Variants in LMO2 observed in about 807,000 individuals in gnomAD.
LMO2 encodes the protein rhombotin-2.
LMO2 carries 20 observed loss-of-function variants against 23.2 expected under a neutral mutation model. That is an observed-to-expected ratio of 0.86 (90% CI 0.61 to 1.25). The LOEUF is 1.25. LMO2 is among the 50% of genes most tolerant of loss of function. The probability of loss-of-function intolerance (pLI) is 0.00; values close to 1 mark genes in which losing one functional copy is unlikely to be tolerated. For missense variants in LMO2, 270 were observed against 315.3 expected (o/e 0.86, Z 1.09); for synonymous variants, 123 against 130.2 (o/e 0.94, Z 0.38).
chr11:33,879,036 C>A (rs777847952), intron 2 of LMO2, among the ~76,000 whole-genome samples: 2 of 152,170 alleles, frequency 1.3e-5, no homozygotes, highest in African/African-American at 2.4e-5. Flanking sequence ...AAGGCCACTC[C>A]AGAATCATTA....
In LMO2 at chr11:33,869,397, G is replaced by A. The variant is rs1197898332; in HGVS notation, c.197C>T (p.Pro66Leu). The stretch of plus-strand genomic sequence containing the variant: ...GATGGCCGAGGACATTGGGGAGGGA[G>A]GCGGGGTGCCGGGCGGCGGGGGCGC... The part of the protein sequence containing the change: ...KGAPPPPGTP[P>L]PSPMSSAIER... Residue 66 changes from proline to leucine, a missense_variant, in exon 4 of 6, where the codon CCT (proline) becomes CTT (leucine). By Grantham distance (98) the Pro-to-Leu change is moderately conservative. This residue lies in a region of LMO2 where 170 missense variants were observed against 162.0 expected (regional missense o/e 1.05). Transcript: ENST00000257818. 6.6e-6 allele frequency: 8 copies of A among 1,212,198 alleles called. No individual in the cohort carries two copies. The highest frequency in any genetic ancestry group is 1.6e-5 in the African/African-American group (1 of 63,166). The allele number at this position is 1,212,198 out of a possible 1,614,324, so 75.1% of individuals were successfully genotyped here. A position where few individuals can be genotyped will look rare whatever the true frequency, so the allele number is the denominator to read the frequency against.
At chr11:33,862,615 G>GAAT (rs386373541) in intron 5 of LMO2, among the ~76,000 whole-genome samples, 21 of 151,732 alleles carry the variant, frequency 1.4e-4, no homozygotes, top group African/African-American at 5.1e-4. Context: ...TAGGGGTGAA[G>GAAT]AACTCAAACA....
intron 4 of LMO2, among the ~76,000 whole-genome samples, chr11:33,866,120 G>A (rs1590634041): frequency 6.6e-6 from 1 of 152,156 alleles, no homozygotes; most frequent in African/African-American, 2.4e-5. Flanking sequence ...TGCCCATAAA[G>A]CCCAGCAGCC....
chr11:33,884,589 A>G (rs1857361706), intron 1 of LMO2, among the ~76,000 whole-genome samples: 1 of 152,216 alleles, frequency 6.6e-6, no homozygotes, highest in Admixed American at 6.5e-5. Context: ...AATTTTACAT[A>G]GCCAGTGCAG....
chr11:33,888,177 A>G (rs1857458525), intron 1 of LMO2, among the ~76,000 whole-genome samples: 1 of 152,212 alleles, frequency 6.6e-6, no homozygotes, highest in African/African-American at 2.4e-5. Flanking sequence ...CACTTGCTCT[A>G]TGCATACTCA....
chr11:33,869,688 C>G (rs1333864771), intron 3 of LMO2, 22 bp downstream of exon 3: 2 of 1,278,638 alleles, frequency 1.6e-6, no homozygotes, highest in African/African-American at 1.6e-5. Flanking sequence ...GCTGCAGCTG[C>G]TGCTGCTGCT....
rs917849058 is a variant in LMO2 at position 33,868,991 on chromosome 11, G to A, written c.248+355C>T. 7.0e-4 allele frequency among the ~76,000 whole-genome samples: 106 copies of A among 152,260 alleles called. 1 individual carries two copies. The highest frequency in any genetic ancestry group is 1.4e-3 in the Non-Finnish European group (93 of 68,048). The stretch of plus-strand genomic sequence containing the variant: ...GAAGGAGAGGGAAGAAGGGAGCAGA[G>A]TCAAGCCCAGAACGCTCTCCGGACT... On this transcript the variant is annotated intron_variant, in intron 4 of 5. Coordinates refer to ENST00000257818, the MANE Select transcript of LMO2 (RefSeq NM_005574.4).
chr11:33,886,093 G>A (rs184660686), intron 1 of LMO2, among the ~76,000 whole-genome samples: 2 of 152,222 alleles, frequency 1.3e-5, no homozygotes, highest in East Asian at 1.9e-4. Context: ...GGCCAGGCTC[G>A]TCTCAAACTC....
At position 33,869,479 on chromosome 11, in the gene LMO2, G is replaced by GGGCGCC. The variant is rs1267212370; in HGVS notation, c.109_114dup (p.Gly37_Ala38dup). 5.0e-6 allele frequency: 6 copies of GGGCGCC among 1,206,704 alleles called. No homozygotes were observed. The highest frequency in any genetic ancestry group is 5.2e-6 in the Non-Finnish European group (5 of 968,434). 74.7% of individuals were successfully genotyped at this position (1,206,704 alleles called of 1,614,324 possible). Reference sequence around the variant, plus strand: ...GGGGCTCGGACCCCCTCGGGTGCTCGGGCGCCGCCGCCGCCGCCGCCGTCG... The same window carrying GGGCGCC: ...GGGGCTCGGACCCCCTCGGGTGCTCGGGCGCCGGCGCCGCCGCCGCCGCCGCCGTCG... On this transcript the variant is annotated inframe_insertion, in exon 4 of 6. Transcript: ENST00000257818.
At position 33,864,187 on chromosome 11, in the gene LMO2, T is replaced by C. The variant is rs1218580942; in HGVS notation, c.464+415A>G. ...AGTCATACAAAAAAAATTTATAACA[T>C]ACATATATGTTCTGAAGCATTCAAA... is the stretch of plus-strand genomic sequence containing the variant. On this transcript the variant is annotated intron_variant, in intron 5 of 5. Coordinates refer to ENST00000257818, the MANE Select transcript of LMO2 (RefSeq NM_005574.4). The surrounding 1 kb of genome is among the most constrained non-coding windows in gnomAD (Gnocchi z 4.8). Among the ~76,000 whole-genome samples the C allele has an allele frequency of 1.3e-5, 2 of 152,186 alleles. No homozygotes were observed. The highest frequency in any genetic ancestry group is 2.4e-5 in the African/African-American group (1 of 41,438).
chr11:33,869,035 G>T lies in LMO2; in HGVS notation c.248+311C>A, dbSNP rs534976168. ...CCGGACTGCACCTGCGCGCCTCCAG[G>T]CTCTCCTCGTGCCTGCTCCCGTGCA... On this transcript the variant is annotated intron_variant, in intron 4 of 5. Transcript: ENST00000257818. Among the ~76,000 whole-genome samples the T allele has an allele frequency of 1.6e-4, 25 of 152,366 alleles. No homozygotes were observed. The Middle Eastern group carries it at 0.02, about 124-fold the overall frequency.
At chr11:33,862,486 A>G (rs955321963) in intron 5 of LMO2, among the ~76,000 whole-genome samples, 1 of 152,222 alleles carries the variant, frequency 6.6e-6, no homozygotes, top group Admixed American at 6.5e-5. Flanking sequence ...CAACAATACA[A>G]CACAGCAGCA....
intron 4 of LMO2, chr11:33,865,078 A>T (rs1856733508): frequency 1.9e-6 from 1 of 534,412 alleles, no homozygotes; most frequent in Non-Finnish European, 3.4e-6. Context: ...AGGCAATTGC[A>T]GGTGGCACTG....
In LMO2 at chr11:33,864,737, T is replaced by C; in HGVS notation, c.329A>G (p.Tyr110Cys). ...GGCQQNIGDR[Y>C]FLKAIDQYWH... is the part of the protein sequence containing the mutation. The stretch of plus-strand genomic sequence containing the variant: ...GTACTGGTCGATGGCCTTCAGGAAG[T>C]AGCGGTCCCCAATGTTCTGCTGGCA... Residue 110 changes from tyrosine (Y) to cysteine (C), a missense_variant, in exon 5 of 6, where the codon TAC (tyrosine) becomes TGC (cysteine). Physicochemically the swap from Tyr to Cys is radical, Grantham distance 194 (BLOSUM62 -2). Coordinates refer to ENST00000257818, the MANE Select transcript of LMO2 (RefSeq NM_005574.4). The surrounding 1 kb of genome is among the most constrained non-coding windows in gnomAD (Gnocchi z 4.8). 1 of 1,613,924 alleles carries C rather than the reference T, an allele frequency of 6.2e-7. No individual in the cohort carries two copies. The highest frequency in any genetic ancestry group is 8.5e-7 in the Non-Finnish European group (1 of 1,179,970).
chr11:33,860,323 C>A (rs1856523761), intron 5 of LMO2, among the ~76,000 whole-genome samples: 1 of 152,184 alleles, frequency 6.6e-6, no homozygotes, highest in Non-Finnish European at 1.5e-5. Flanking sequence ...TCAAGACTCT[C>A]CCAAGCCTCA....
chr11:33,881,277 C>T (rs773462125), intron 2 of LMO2: 6 of 456,862 alleles, frequency 1.3e-5, no homozygotes, highest in East Asian at 6.9e-5. Context: ...GGTCATATCT[C>T]GCAAAGGAAG....
At chr11:33,882,549 T>C (rs912332344) in intron 1 of LMO2, among the ~76,000 whole-genome samples, 2 of 152,270 alleles carry the variant, frequency 1.3e-5, no homozygotes. Context: ...AAGAGCTTCA[T>C]GAGGCAAAAG....
At chr11:33,891,557 C>A (rs1565040219) in intron 1 of LMO2, among the ~76,000 whole-genome samples, 1 of 152,106 alleles carries the variant, frequency 6.6e-6, no homozygotes, top group African/African-American at 2.4e-5. Context: ...ACACAGCAAG[C>A]GCCTGACTCA....
chr11:33,878,721 T>C (rs1857195424), intron 2 of LMO2, among the ~76,000 whole-genome samples: 1 of 152,202 alleles, frequency 6.6e-6, no homozygotes, highest in South Asian at 2.1e-4. Context: ...AAGCTCATGG[T>C]GGTGATCCCT....
Sources: allele counts gnomAD v4.1 joint callset (sites outside exome capture counted in the v4.1 genomes callset), GRCh38; gene constraint gnomAD v4.1.1; regional missense constraint gnomAD v4.1.1; non-coding constraint Gnocchi (gnomAD v3.1); transcripts MANE v1.5; gene names NCBI Gene and HGNC (gene_info 2026-07-23, HGNC 2026-07-21).